The following FBLN2 variants were observed in gnomAD, a reference collection of about 807,000 sequenced individuals.
FBLN2 encodes fibulin-2.
Under a neutral mutation model 123.7 loss-of-function variants are expected in FBLN2, and 81 were observed. The ratio of observed to expected loss-of-function variants is 0.65; its 90% CI spans 0.55 to 0.79. The LOEUF (loss-of-function observed/expected upper bound fraction) is 0.79, where lower values mean the gene tolerates loss of function less well. Among genes scored for constraint, FBLN2 ranks in the 30% least tolerant of loss-of-function variants. The probability of loss-of-function intolerance (pLI) is 0.00; values close to 1 mark genes in which losing one functional copy is unlikely to be tolerated. For synonymous variants in FBLN2, 699 were observed against 701.4 expected, an observed-to-expected ratio of 1.00 and a Z score of 0.05; for missense variants, 1,603 against 1,681.3, an observed-to-expected ratio of 0.95 and a Z score of 0.81.
intron 4 of FBLN2, among the ~76,000 whole-genome samples, chr3:13,612,402 A>G (rs533517824): frequency 1.4e-5 from 2 of 140,648 alleles, no homozygotes; most frequent in Admixed American, 1.5e-4. Context: ...TTCTTTCTTG[A>G]CGGAGTCTCG....
In FBLN2 at chr3:13,570,782, G is replaced by A. The variant is rs751644426; in HGVS notation, c.427G>A (p.Gly143Ser). 1 of 1,599,446 alleles carries A rather than the reference G, an allele frequency of 6.3e-7. No individual in the cohort carries two copies. The highest frequency in any genetic ancestry group is 8.5e-7 in the Non-Finnish European group (1 of 1,173,978). ...CGGCCAGGTGGGCTGCGTCCACGCGGGCCACAAGTACGCCGCTGGCCACAC... is the reference window on the plus strand; with the variant it reads ...CGGCCAGGTGGGCTGCGTCCACGCGAGCCACAAGTACGCCGCTGGCCACAC... ...QCGQVGCVHA[G>S]HKYAAGHTVH... Residue 143 changes from glycine to serine, a missense_variant, in exon 2 of 18, where the codon GGC (glycine) becomes AGC (serine). By Grantham distance (56) the Gly-to-Ser change is moderately conservative. Transcript: ENST00000404922.
rs1704790686 is a variant in FBLN2, at chr3:13,594,868, C to A, written c.1307-13194C>A. On this transcript the variant is annotated intron_variant, in intron 2 of 17. Transcript: ENST00000404922. ...CTTGGGGAAGGGGCCAGAGGGGTGG[C>A]AGGGAGGGCCTTGCTTCCCTTGGAA... 2.0e-5 allele frequency among the ~76,000 whole-genome samples: 3 copies of A among 152,158 alleles called. No individual in the cohort carries two copies. The South Asian group carries it at 6.2e-4, about 31-fold the overall frequency.
At position 13,600,448 on chromosome 3, in the gene FBLN2, C is replaced by T. The variant is rs576093743; in HGVS notation, c.1307-7614C>T. ...GGCAGAGAGCGCCATTCAACACCCACGAAAGCAGAGCCACCTCTCGAGCTG... is the reference window on the plus strand; with the variant it reads ...GGCAGAGAGCGCCATTCAACACCCATGAAAGCAGAGCCACCTCTCGAGCTG... On this transcript the variant is annotated intron_variant, in intron 2 of 17. Coordinates refer to ENST00000404922, the MANE Select transcript of FBLN2 (RefSeq NM_001004019.2). Among the ~76,000 whole-genome samples, 10 of 152,100 alleles carry T rather than the reference C, an allele frequency of 6.6e-5. No homozygotes were observed. The East Asian group carries it at 1.6e-3, about 24-fold the overall frequency.
chr3:13,630,354 G>C (rs1706214756), intron 14 of FBLN2, among the ~76,000 whole-genome samples: 1 of 152,260 alleles, frequency 6.6e-6, no homozygotes, highest in African/African-American at 2.4e-5. Flanking sequence ...GCTCAGTGGG[G>C]ACTGGTGTGG....
At chr3:13,572,722 C>T (rs1041504042) in intron 2 of FBLN2, among the ~76,000 whole-genome samples, 3 of 152,212 alleles carry the variant, frequency 2.0e-5, no homozygotes, top group Admixed American at 6.5e-5. Context: ...TGAGCTGTGG[C>T]GAGAAGGGGA....
rs2124904036 is a variant in FBLN2 at position 13,626,597 on chromosome 3, G to T, written c.2431+18G>T. The T allele has an allele frequency of 6.6e-7, 1 of 1,526,588 alleles. No individual in the cohort carries two copies. Among genetic ancestry groups the T allele is most frequent in the Non-Finnish European group, 8.8e-7 (1 of 1,130,038 alleles). 94.6% of individuals were successfully genotyped at this position (1,526,588 alleles called of 1,614,324 possible). A position where few individuals can be genotyped will look rare whatever the true frequency, so the allele number is the denominator to read the frequency against. ...GTGCGAAGGTGAGAAGGGCCCAGAAGGACCAACTGGAGGCCCCGCCCCATG... is the reference window on the plus strand; with the variant it reads ...GTGCGAAGGTGAGAAGGGCCCAGAATGACCAACTGGAGGCCCCGCCCCATG... On this transcript the variant is annotated intron_variant, in intron 10 of 17. Transcript: ENST00000404922.
chr3:13,587,822 T>G (rs1358557202), intron 2 of FBLN2, among the ~76,000 whole-genome samples: 1 of 152,242 alleles, frequency 6.6e-6, no homozygotes, highest in Non-Finnish European at 1.5e-5. Flanking sequence ...CAACCAATTG[T>G]CAACCACAAA....
At chr3:13,630,897 G>A in intron 15 of FBLN2, 82 bp downstream of exon 15, 1 of 1,042,124 alleles carries the variant, frequency 9.6e-7, no homozygotes. Context: ...TCCCTGCTGG[G>A]CCATGGACAC....
chr3:13,629,301 G>A lies in FBLN2; in HGVS notation c.2842+9G>A. The A allele has an allele frequency of 6.2e-7, 1 of 1,602,826 alleles. No individual in the cohort carries two copies. The highest frequency in any genetic ancestry group is 8.5e-7 in the Non-Finnish European group (1 of 1,175,814). The stretch of plus-strand genomic sequence containing the variant: ...TGGCCGGGGCTGCATCGGTAGGTAG[G>A]CTGGTGGCCAGGACCCCTGGGGAAC... On this transcript the variant is annotated intron_variant, in intron 13 of 17. Coordinates refer to ENST00000404922, the MANE Select transcript of FBLN2 (RefSeq NM_001004019.2).
At chr3:13,582,077 A>G (rs1449943826) in intron 2 of FBLN2, among the ~76,000 whole-genome samples, 3 of 152,102 alleles carry the variant, frequency 2.0e-5, no homozygotes, top group African/African-American at 4.8e-5. Flanking sequence ...TGTGTTCTCA[A>G]TGGGAAGAAA....
At chr3:13,600,401 G>A (rs1489729915) in intron 2 of FBLN2, among the ~76,000 whole-genome samples, 3 of 151,964 alleles carry the variant, frequency 2.0e-5, no homozygotes, top group Non-Finnish European at 4.4e-5. Flanking sequence ...GGGGAATCCT[G>A]GCACCTGATC....
chr3:13,575,138 A>G (rs1211946831), intron 2 of FBLN2, among the ~76,000 whole-genome samples: 1 of 152,168 alleles, frequency 6.6e-6, no homozygotes, highest in Admixed American at 6.5e-5. Context: ...TGAGTGTTGG[A>G]CACAAATTAG....
At chr3:13,603,986 AGT>A (rs2095381028) in intron 2 of FBLN2, among the ~76,000 whole-genome samples, 1 of 152,220 alleles carries the variant, frequency 6.6e-6, no homozygotes, top group South Asian at 2.1e-4. Context: ...TCTGATGGCC[AGT>A]GATGATGAGC....
At chr3:13,583,881 T>A (rs1333482612) in intron 2 of FBLN2, among the ~76,000 whole-genome samples, 2 of 152,166 alleles carry the variant, frequency 1.3e-5, no homozygotes, top group Non-Finnish European at 2.9e-5. Context: ...CCCCTCACCT[T>A]TTGGGTGCCA....
chr3:13,549,347 C>T, intron 1 of FBLN2, 139 bp downstream of exon 1: 1 of 445,170 alleles, frequency 2.2e-6, no homozygotes. Flanking sequence ...CGCCTCCACC[C>T]GCGCCGCCGG....
At chr3:13,628,755 G>A (rs1275473821) in intron 11 of FBLN2, 150 bp from the exon 12 acceptor site, 15 of 891,112 alleles carry the variant, frequency 1.7e-5, no homozygotes, top group Non-Finnish European at 2.0e-5. Context: ...TGGGTAGTGG[G>A]GCACAGGGGT....
At chr3:13,603,248 T>C (rs1052458328) in intron 2 of FBLN2, among the ~76,000 whole-genome samples, 1 of 120,792 alleles carries the variant, frequency 8.3e-6, no homozygotes, top group African/African-American at 3.2e-5. Context: ...TTTTTTTTTT[T>C]TAATTATACT....
intron 16 of FBLN2, among the ~76,000 whole-genome samples, chr3:13,633,852 C>T (rs1706349556): frequency 6.6e-6 from 1 of 152,126 alleles, no homozygotes; most frequent in Non-Finnish European, 1.5e-5. Context: ...AGTAGGTGCT[C>T]ATTGGACAGT....
chr3:13,592,028 T>TC (rs1704692920), intron 2 of FBLN2, among the ~76,000 whole-genome samples: 1 of 150,722 alleles, frequency 6.6e-6, no homozygotes, highest in East Asian at 1.9e-4. Flanking sequence ...CTTTTTTTTT[T>TC]TTTTTTTTTA....
Sources: gnomAD v4.1 joint callset for allele counts (sites outside exome capture counted in the v4.1 genomes callset) on GRCh38, gnomAD v4.1.1 for gene constraint, MANE v1.5 for transcripts, NCBI Gene and HGNC (gene_info 2026-07-23, HGNC 2026-07-21) for gene names.